Variants in PSME3 observed in about 807,000 individuals in gnomAD.
The protein encoded by PSME3 is proteasome activator subunit 3, also known as proteasome activator complex subunit 3.
In PSME3, 7 loss-of-function variants were observed where a neutral mutation model predicts 38.3. The observed-to-expected ratio is 0.18, with a 90% CI of 0.10 to 0.34. The LOEUF is 0.34. Ranked by LOEUF, PSME3 falls within the 10% of genes least tolerant of loss-of-function variation. The probability of loss-of-function intolerance (pLI) is 1.00; values close to 1 mark genes in which losing one functional copy is unlikely to be tolerated. For missense variants in PSME3, 192 were observed against 307.6 expected (o/e 0.62, Z 2.81); for synonymous variants, 108 against 105.7 (o/e 1.02, Z -0.13).
intron 4 of PSME3, 45 bp from the exon 5 acceptor site, chr17:42,837,604 G>A (rs1178928633): frequency 3.2e-6 from 5 of 1,579,690 alleles, no homozygotes; most frequent in Non-Finnish European, 4.4e-6. Context: ...TGATGGAGAT[G>A]TGGGTGTCAA....
At chr17:42,836,581 A>G (rs1489724192) in intron 4 of PSME3, among the ~76,000 whole-genome samples, 1 of 152,092 alleles carries the variant, frequency 6.6e-6, no homozygotes, top group African/African-American at 2.4e-5. Context: ...CTGAGGGGGA[A>G]CCCAGTCTCA....
intron 4 of PSME3, among the ~76,000 whole-genome samples, chr17:42,835,715 ACT>A (rs935846892): frequency 4.1e-5 from 6 of 147,908 alleles, no homozygotes; most frequent in African/African-American, 1.3e-4. Context: ...ACAGAGCGAG[ACT>A]CTGTCTCAAA....
At position 42,833,936 on chromosome 17, in the gene PSME3, G is replaced by A; in HGVS notation, c.42+263G>A. The A allele has an allele frequency of 3.5e-6, 5 of 1,440,594 alleles. No individual in the cohort carries two copies. In the South Asian group the frequency reaches 4.4e-5, roughly 13 times the overall value. 89.2% of individuals were successfully genotyped at this position (1,440,594 alleles called of 1,614,324 possible). A position where few individuals can be genotyped will look rare whatever the true frequency, so the allele number is the denominator to read the frequency against. ...GACTCAGGGCTTTAGGCCCGTGACA[G>A]CTGGTAATCCCCCAGCCCAACAACG... is the stretch of plus-strand genomic sequence containing the variant. On this transcript the variant is annotated intron_variant, in intron 1 of 10. Transcript: ENST00000590720.
intron 10 of PSME3, among the ~76,000 whole-genome samples, chr17:42,841,116 G>A (rs1228995833): frequency 1.4e-5 from 2 of 139,298 alleles, no homozygotes; most frequent in Admixed American, 1.5e-4. Flanking sequence ...CTGAGCGATA[G>A]AGCAAGACCG....
In PSME3 at chr17:42,843,668, G is replaced by A. The variant is rs1166917432; in HGVS notation, c.*2090G>A. ...TGAATAATGTCTTCAGTTTCTTGAGGAGACTCCTAGTTTTGGTTTTCAAAT... is the reference window on the plus strand; with the variant it reads ...TGAATAATGTCTTCAGTTTCTTGAGAAGACTCCTAGTTTTGGTTTTCAAAT... On this transcript the variant is annotated 3_prime_UTR_variant, in exon 11 of 11. Transcript: ENST00000590720. 6.6e-6 allele frequency: 1 copy of A among 152,314 alleles called. No individual in the cohort carries two copies. Among genetic ancestry groups the A allele is most frequent in the African/African-American group, 2.4e-5 (1 of 41,426 alleles). The allele number at this position is 152,314 out of a possible 1,614,324, so 9.4% of individuals were successfully genotyped here. A position where few individuals can be genotyped will look rare whatever the true frequency, so the allele number is the denominator to read the frequency against.
At chr17:42,837,103 G>A (rs189487286) in intron 4 of PSME3, among the ~76,000 whole-genome samples, 2 of 152,138 alleles carry the variant, frequency 1.3e-5, no homozygotes, top group African/African-American at 4.8e-5. Flanking sequence ...CCAGGCTGGA[G>A]TGCAGTGGTG....
At chr17:42,840,904 C>T (rs1426857737) in intron 10 of PSME3, among the ~76,000 whole-genome samples, 6 of 151,926 alleles carry the variant, frequency 3.9e-5, no homozygotes, top group Admixed American at 2.6e-4. Context: ...GAGGCCGAGG[C>T]GGGCGGATCA....
chr17:42,838,461 A>C (rs1161183097), intron 6 of PSME3, among the ~76,000 whole-genome samples: 2 of 152,006 alleles, frequency 1.3e-5, no homozygotes, highest in Non-Finnish European at 2.9e-5. Flanking sequence ...GTACCTGCCA[A>C]CACACCCAGC....
intron 4 of PSME3, among the ~76,000 whole-genome samples, chr17:42,836,814 G>A (rs2055469429): frequency 6.6e-6 from 1 of 151,478 alleles, no homozygotes; most frequent in Non-Finnish European, 1.5e-5. Context: ...TGTGTGCCTT[G>A]GCCTCCCAAA....
chr17:42,841,430 GTC>G (rs772405673), intron 10 of PSME3, 66 bp from the exon 11 acceptor site: 6 of 931,262 alleles, frequency 6.4e-6, no homozygotes, highest in Non-Finnish European at 8.0e-6. Flanking sequence ...TTGTGAAGGG[GTC>G]TCTCATTTTC....
rs370934495 is a variant in PSME3 at position 42,833,690 on chromosome 17, G to A, written c.42+17G>A. ...AAGCTCAAGGTAGCGGCACCGGTCC[G>A]GCCTTTTTGCCCCTCGCTTTGATCC... On this transcript the variant is annotated intron_variant, in intron 1 of 10. Transcript: ENST00000590720. 6 of 1,614,092 alleles carry A rather than the reference G, an allele frequency of 3.7e-6. No homozygotes were observed. Among genetic ancestry groups the A allele is most frequent in the Non-Finnish European group, 3.4e-6 (4 of 1,180,016 alleles).
In PSME3 at chr17:42,840,467, C is replaced by T. The variant is rs570969327; in HGVS notation, c.685-1031C>T. Among the ~76,000 whole-genome samples the T allele has an allele frequency of 4.7e-5, 7 of 149,392 alleles. 1 individual carries two copies. The highest frequency in any genetic ancestry group is 2.1e-4 in the South Asian group (1 of 4,676). ...CTGAAAATACAAAAAATTAGCTGGG[C>T]ATGGTTGGCGGACCCCTGTAATCCC... is the stretch of plus-strand genomic sequence containing the variant. On this transcript the variant is annotated intron_variant, in intron 10 of 10. Coordinates refer to ENST00000590720, the MANE Select transcript of PSME3 (RefSeq NM_005789.4).
chr17:42,837,947 C>T (rs1046184941), intron 5 of PSME3, 146 bp from the exon 6 acceptor site: 9 of 920,480 alleles, frequency 9.8e-6, no homozygotes, highest in South Asian at 6.1e-5. Flanking sequence ...CATACATTCT[C>T]GTTGATTCTA....
At chr17:42,834,675 T>C in intron 3 of PSME3, 97 bp from the exon 4 acceptor site, 3 of 1,600,128 alleles carry the variant, frequency 1.9e-6, no homozygotes, top group South Asian at 1.1e-5. Flanking sequence ...TTTTTATTTT[T>C]TTAAACTGTA....
At chr17:42,837,833 T>G in intron 5 of PSME3, 136 bp downstream of exon 5, 1 of 1,072,500 alleles carries the variant, frequency 9.3e-7, no homozygotes, top group Non-Finnish European at 1.4e-6. Flanking sequence ...TCCCAGCTCC[T>G]CCAAACGTGC....
intron 6 of PSME3, 100 bp downstream of exon 6, chr17:42,838,305 G>A (rs2055488650): frequency 6.7e-7 from 1 of 1,495,064 alleles, no homozygotes. Flanking sequence ...GGCAGACTAG[G>A]TTTTTTTGAG....
At position 42,841,579 on chromosome 17, in the gene PSME3, G is replaced by A; in HGVS notation, c.*1G>A. The A allele has an allele frequency of 1.3e-6, 2 of 1,577,730 alleles. No homozygotes were observed. The highest frequency in any genetic ancestry group is 1.7e-6 in the Non-Finnish European group (2 of 1,154,542). On this transcript the variant is annotated 3_prime_UTR_variant, in exon 11 of 11. Transcript: ENST00000590720. The stretch of plus-strand genomic sequence containing the variant: ...CAGCAATGCAGAGACTCTGTACTGA[G>A]GCCAGGGCCAGGGCCAGGGGACTCT...
chr17:42,839,439 T>A, intron 10 of PSME3, 59 bp downstream of exon 10: 2 of 1,396,916 alleles, frequency 1.4e-6, no homozygotes, highest in Non-Finnish European at 2.0e-6. Context: ...CTGTTGAGAG[T>A]ATTGTTAAAA....
rs2055423609 is a variant in PSME3 at position 42,833,546 on chromosome 17, C to T, written c.-86C>T. ...AGGGCGGTCGGGTCCCGAGGTCAGC[C>T]GAGATTTCTCAGGTCCCTCCGGCCC... On this transcript the variant is annotated 5_prime_UTR_variant, in exon 1 of 11. Transcript: ENST00000590720. The T allele has an allele frequency of 8.3e-6, 13 of 1,569,960 alleles. No individual in the cohort carries two copies. The highest frequency in any genetic ancestry group is 1.7e-5 in the Admixed American group (1 of 59,474).
Sources: gnomAD v4.1 joint callset for allele counts (sites outside exome capture counted in the v4.1 genomes callset) on GRCh38, gnomAD v4.1.1 for gene constraint, MANE v1.5 for transcripts, NCBI Gene and HGNC (gene_info 2026-07-23, HGNC 2026-07-21) for gene names.